The following CCDC154 variants were observed in gnomAD, a reference collection of about 807,000 sequenced individuals.
CCDC154 encodes coiled-coil domain-containing protein 154.
In CCDC154, 91 loss-of-function variants were observed where a neutral mutation model predicts 87.5. The observed-to-expected ratio is 1.04, with a 90% CI of 0.88 to 1.24. CCDC154 has a LOEUF of 1.24. Ranked by LOEUF, CCDC154 falls within the 50% of genes most tolerant of loss-of-function variation. The pLI is 0.00. For missense variants in CCDC154, 903 were observed against 879.2 expected, an observed-to-expected ratio of 1.03 and a Z score of -0.34; for synonymous variants, 418 against 400.4, an observed-to-expected ratio of 1.04 and a Z score of -0.52.
At position 1,434,781 on chromosome 16, in the gene CCDC154, C is replaced by G. The variant is rs957207110; in HGVS notation, c.1764G>C (p.Pro588=). Residue 588 remains proline, a synonymous_variant, in exon 16 of 17, where the codon CCG becomes CCC. Transcript: ENST00000389176. ...ATGGGAGCGCCTTCCAGCTGCCCAG[C>G]GGCGTCCGCGGGCCCTCCTCACTCC... ...RLWSEEGPRT[P]LGSWKALPSL... The G allele has an allele frequency of 6.5e-7, 1 of 1,541,960 alleles. No homozygotes were observed. Among genetic ancestry groups the G allele is most frequent in the African/African-American group, 1.4e-5 (1 of 73,010 alleles).
intron 5 of CCDC154, 114 bp downstream of exon 5, chr16:1,442,766 C>T: frequency 3.4e-6 from 4 of 1,177,712 alleles, no homozygotes; most frequent in Non-Finnish European, 4.7e-6. Flanking sequence ...GAGGGCGGTG[C>T]CCCGCCGGGT....
chr16:1,440,431 C>A (rs1312854795), intron 6 of CCDC154, among the ~76,000 whole-genome samples: 2 of 142,740 alleles, frequency 1.4e-5, no homozygotes, highest in African/African-American at 2.7e-5. Flanking sequence ...GCCTGGGCAA[C>A]AGAGCGAGAC....
intron 10 of CCDC154, 44 bp downstream of exon 10, chr16:1,438,006 T>C (rs767193509): frequency 1.3e-6 from 2 of 1,537,696 alleles, no homozygotes; most frequent in Non-Finnish European, 1.8e-6. Flanking sequence ...CCATCCCGTG[T>C]GCGTGGGAGA....
In CCDC154 at chr16:1,437,789, G is replaced by A. The variant is rs116020944; in HGVS notation, c.1290+28C>T. The A allele has an allele frequency of 5.1e-4, 779 of 1,512,950 alleles. 10 individuals are homozygous for A. The South Asian group carries it at 8.9e-3, about 17-fold the overall frequency. The allele number at this position is 1,512,950 out of a possible 1,614,324, so 93.7% of individuals were successfully genotyped here. ...AGGGGTGGGGACTCCCCATAGCCCC[G>A]CCTGCCCCCGCCCGCTGCCTGGCGC... is the stretch of plus-strand genomic sequence containing the variant. On this transcript the variant is annotated intron_variant, in intron 11 of 16. Transcript: ENST00000389176.
intron 3 of CCDC154, 33 bp downstream of exon 3, chr16:1,443,473 G>A: frequency 1.4e-6 from 2 of 1,440,738 alleles, no homozygotes; most frequent in Non-Finnish European, 1.8e-6. Context: ...CAGGAAAGGG[G>A]CAGCTCGACC....
chr16:1,443,418 G>A, intron 3 of CCDC154, 88 bp downstream of exon 3: 1 of 1,437,894 alleles, frequency 7.0e-7, no homozygotes, highest in Non-Finnish European at 9.1e-7. Flanking sequence ...CTGGGCAGCA[G>A]GGGTGAGCTG....
intron 11 of CCDC154, 50 bp downstream of exon 11, chr16:1,437,767 G>A (rs2038514538): frequency 1.3e-6 from 2 of 1,491,862 alleles, no homozygotes; most frequent in Non-Finnish European, 8.9e-7. Context: ...GAGCTGGAGG[G>A]GTGGGGACTC....
chr16:1,442,797 G>A, intron 5 of CCDC154, 83 bp downstream of exon 5: 2 of 1,356,570 alleles, frequency 1.5e-6, no homozygotes, highest in Admixed American at 2.1e-5. Flanking sequence ...ACACGGCAGG[G>A]GGACCCGTGT....
Position 1,443,780 on chromosome 16 carries a change from C to A in CCDC154, c.224+16G>T, listed in dbSNP as rs951750530. The A allele has an allele frequency of 7.7e-7, 1 of 1,305,386 alleles. No homozygotes were observed. The allele number at this position is 1,305,386 out of a possible 1,614,324, so 80.9% of individuals were successfully genotyped here. On this transcript the variant is annotated intron_variant, in intron 2 of 16. Coordinates refer to ENST00000389176, the MANE Select transcript of CCDC154 (RefSeq NM_001143980.3). ...CGACGTGGTCCTCCCCCGCCAGCAC[C>A]CCCTGCAGGGCTCACCACTGCTCCA...
chr16:1,437,072 GC>G, intron 11 of CCDC154: 1 of 513,840 alleles, frequency 1.9e-6, no homozygotes. Context: ...GGCAGGGCAG[GC>G]CCCGGTGGGA....
intron 13 of CCDC154, 120 bp downstream of exon 13, chr16:1,436,325 G>C: frequency 1.0e-6 from 1 of 996,014 alleles, no homozygotes; most frequent in Non-Finnish European, 1.5e-6. Flanking sequence ...CCAGGCCCGG[G>C]CTCAGGGGGA....
At position 1,438,101 on chromosome 16, in the gene CCDC154, T is replaced by G; in HGVS notation, c.1101A>C (p.Ala367=). 1.3e-6 allele frequency: 2 copies of G among 1,549,102 alleles called. No homozygotes were observed. Among genetic ancestry groups the G allele is most frequent in the Non-Finnish European group, 1.7e-6 (2 of 1,146,394 alleles). The change falls in exon 10 of 17, where the codon GCA becomes GCC. Residue 367 remains alanine, a synonymous_variant. Coordinates refer to ENST00000389176, the MANE Select transcript of CCDC154 (RefSeq NM_001143980.3). ...GCCGGGCCAGCTCGCCAGCCAGCTGTGCGGCCTCCAGGTTCTCCTGCACAT... is the reference window on the plus strand; with the variant it reads ...GCCGGGCCAGCTCGCCAGCCAGCTGGGCGGCCTCCAGGTTCTCCTGCACAT... ...AAYVQENLEA[A]QLAGELARQE...
intron 5 of CCDC154, 135 bp downstream of exon 5, chr16:1,442,745 C>T (rs928741153): frequency 2.1e-5 from 22 of 1,063,326 alleles, no homozygotes; most frequent in East Asian, 5.2e-5. Flanking sequence ...CTTCCCAGCA[C>T]GCTTGGCACC....
chr16:1,442,327 G>A (rs925052611), intron 6 of CCDC154, 79 bp downstream of exon 6: 37 of 1,422,514 alleles, frequency 2.6e-5, no homozygotes, highest in South Asian at 3.0e-5. Flanking sequence ...CCGCTGTATC[G>A]GATGGCACAG....
intron 6 of CCDC154, 91 bp downstream of exon 6, chr16:1,442,315 G>A (rs907470464): frequency 6.5e-5 from 88 of 1,357,260 alleles, no homozygotes; most frequent in Middle Eastern, 2.1e-4. Context: ...CATGGTGAAC[G>A]GCCGCTGTAT....
chr16:1,438,760 CT>C, intron 8 of CCDC154, 23 bp from the exon 9 acceptor site: 1 of 1,547,224 alleles, frequency 6.5e-7, no homozygotes, highest in Non-Finnish European at 8.7e-7. Flanking sequence ...GGAGGCCGCC[CT>C]GAGACCTGCA....
intron 4 of CCDC154, 54 bp from the exon 5 acceptor site, chr16:1,443,029 C>T (rs1883480): frequency 1.8e-5 from 28 of 1,541,590 alleles, no homozygotes; most frequent in Middle Eastern, 3.4e-4. Flanking sequence ...GCAGCCTCGG[C>T]GGGCTGGGGG....
Position 1,444,306 on chromosome 16 carries a change from C to G in CCDC154, c.7+10G>C. The G allele has an allele frequency of 7.7e-7, 1 of 1,302,386 alleles. No homozygotes were observed. Among genetic ancestry groups the G allele is most frequent in the South Asian group, 1.2e-5 (1 of 81,026 alleles). The allele number at this position is 1,302,386 out of a possible 1,614,324, so 80.7% of individuals were successfully genotyped here. On this transcript the variant is annotated intron_variant, in intron 1 of 16. Coordinates refer to ENST00000389176, the MANE Select transcript of CCDC154 (RefSeq NM_001143980.3). Reference sequence around the variant, plus strand: ...CCCCTCCCTGGGCCCCGCTCCTCCGCTCTGGTCACCTGACATGGCTGCTGG... The same window carrying G: ...CCCCTCCCTGGGCCCCGCTCCTCCGGTCTGGTCACCTGACATGGCTGCTGG...
At chr16:1,442,694 T>C (rs1400834894) in intron 5 of CCDC154, among the ~76,000 whole-genome samples, 165 bp from the exon 6 acceptor site, 2 of 152,198 alleles carry the variant, frequency 1.3e-5, no homozygotes, top group Non-Finnish European at 2.9e-5. Context: ...GAAGGGCTGC[T>C]GCGAGTCTCT....
Sources: gnomAD v4.1 joint callset for allele counts (sites outside exome capture counted in the v4.1 genomes callset) on GRCh38, gnomAD v4.1.1 for gene constraint, MANE v1.5 for transcripts, NCBI Gene and HGNC (gene_info 2026-07-23, HGNC 2026-07-21) for gene names.